The following CHN1 variants were observed in gnomAD, a reference collection of about 807,000 sequenced individuals.
The protein encoded by CHN1 is N-chimaerin.
A neutral mutation model predicts 59.5 loss-of-function variants in CHN1; 37 were observed. The observed-to-expected ratio is 0.62, with a 90% confidence interval of 0.48 to 0.82. The LOEUF is 0.82. Among genes scored for constraint, CHN1 ranks in the 40% least tolerant of loss-of-function variants. CHN1 has a pLI of 0.00. For synonymous variants in CHN1, 206 were observed against 200.4 expected, an observed-to-expected ratio of 1.03 and a Z score of -0.24; for missense variants, 469 against 571.0, an observed-to-expected ratio of 0.82 and a Z score of 1.82.
At chr2:174,949,700 C>T (rs1299968680) in intron 2 of CHN1, among the ~76,000 whole-genome samples, 1 of 152,108 alleles carries the variant, frequency 6.6e-6, no homozygotes. Context: ...TTAAAATTTG[C>T]ACATACTCAA....
intron 1 of CHN1, among the ~76,000 whole-genome samples, chr2:174,959,923 T>C (rs1574214687): frequency 6.6e-6 from 1 of 152,110 alleles, no homozygotes; most frequent in Non-Finnish European, 1.5e-5. Flanking sequence ...CTAGTGGCAG[T>C]TCAAGCAACT....
intron 5 of CHN1, among the ~76,000 whole-genome samples, chr2:174,897,206 G>A (rs1688243640): frequency 6.6e-5 from 10 of 152,132 alleles, no homozygotes; most frequent in Admixed American, 6.5e-4. Flanking sequence ...AGACTGAAAA[G>A]ATGATTATTC....
chr2:174,891,140 C>CAAAAAAAAAAAAAAA (rs58016502), intron 5 of CHN1, among the ~76,000 whole-genome samples: 1 of 24,426 alleles, frequency 4.1e-5, no homozygotes, highest in Non-Finnish European at 8.9e-5. Context: ...GACTCCATCT[C>CAAAAAAAAAAAAAAA]AAAAAAAAAA....
At chr2:174,902,845 T>G (rs1688432172) in intron 5 of CHN1, among the ~76,000 whole-genome samples, 1 of 152,224 alleles carries the variant, frequency 6.6e-6, no homozygotes, top group South Asian at 2.1e-4. Flanking sequence ...CAGTATCTAC[T>G]ATGATTCTCT....
chr2:174,846,318 G>A lies in CHN1; in HGVS notation c.627+562C>T, dbSNP rs1263994049. 3.2e-6 allele frequency: 5 copies of A among 1,548,762 alleles called. No individual in the cohort carries two copies. The Admixed American group carries it at 7.9e-5, about 24-fold the overall frequency. Reference sequence around the variant, plus strand: ...TAAAAACTACACATACGCATACATGGTGAAAGCAAATACTCAAAAAGTGAG... The same window carrying A: ...TAAAAACTACACATACGCATACATGATGAAAGCAAATACTCAAAAAGTGAG... On this transcript the variant is annotated intron_variant, in intron 7 of 12. Coordinates refer to ENST00000409900, the MANE Select transcript of CHN1 (RefSeq NM_001822.7).
chr2:174,951,951 G>A (rs1048136710), intron 2 of CHN1, among the ~76,000 whole-genome samples: 3 of 152,174 alleles, frequency 2.0e-5, no homozygotes, highest in African/African-American at 4.8e-5. Context: ...AGCTCAGAGG[G>A]ATGAAATGCA....
chr2:174,952,359 G>C (rs1345300094), intron 1 of CHN1, among the ~76,000 whole-genome samples, 157 bp from the exon 2 acceptor site: 1 of 151,614 alleles, frequency 6.6e-6, no homozygotes, highest in South Asian at 2.1e-4. Context: ...TTTTAGTCTT[G>C]GTCCTTACTT....
intron 7 of CHN1, among the ~76,000 whole-genome samples, chr2:174,841,774 T>C (rs1329558573): frequency 6.6e-6 from 1 of 152,182 alleles, no homozygotes; most frequent in Non-Finnish European, 1.5e-5. Flanking sequence ...ACACTCCTTG[T>C]TCATATCCAC....
intron 5 of CHN1, among the ~76,000 whole-genome samples, chr2:174,889,086 G>C (rs1687974470): frequency 6.6e-6 from 1 of 152,140 alleles, no homozygotes; most frequent in African/African-American, 2.4e-5. Context: ...ATACCAGAGG[G>C]AGCAAGAGAT....
At chr2:174,954,087 A>G (rs1690112358) in intron 1 of CHN1, among the ~76,000 whole-genome samples, 1 of 152,236 alleles carries the variant, frequency 6.6e-6, no homozygotes, top group Non-Finnish European at 1.5e-5. Context: ...ACTGGTATCA[A>G]AATAAGGATA....
intron 8 of CHN1, among the ~76,000 whole-genome samples, chr2:174,814,824 T>C (rs1685191942): frequency 1.3e-5 from 2 of 152,148 alleles, no homozygotes; most frequent in African/African-American, 4.8e-5. Context: ...CGAAAAGGAA[T>C]TGGATAACTG....
intron 6 of CHN1, among the ~76,000 whole-genome samples, chr2:174,853,812 G>A (rs1360175456): frequency 3.3e-5 from 5 of 152,104 alleles, no homozygotes; most frequent in South Asian, 2.1e-4. Context: ...AGAGCTGGAG[G>A]CCATAATCCT....
chr2:174,847,170 T>C (rs748355372), intron 6 of CHN1: 28 of 1,523,858 alleles, frequency 1.8e-5, no homozygotes, highest in African/African-American at 2.8e-5. Flanking sequence ...TAGTGGTCTA[T>C]GTCTGTCGAT....
At chr2:175,003,878 C>T (rs1691973515) in intron 1 of CHN1, among the ~76,000 whole-genome samples, 1 of 152,160 alleles carries the variant, frequency 6.6e-6, no homozygotes, top group Admixed American at 6.5e-5. Flanking sequence ...AAAAGTAACA[C>T]TTTGATTCTA....
chr2:174,983,721 G>A (rs914493780), intron 1 of CHN1, among the ~76,000 whole-genome samples: 5 of 152,030 alleles, frequency 3.3e-5, no homozygotes, highest in African/African-American at 4.8e-5. Context: ...CCAGCTGCTC[G>A]GGAGGCTGAA....
chr2:174,846,899 T>C lies in CHN1; in HGVS notation c.608A>G (p.Glu203Gly), dbSNP rs1292210611. The change falls in exon 7 of 13, where the codon GAA (glutamate) becomes GGA (glycine). Residue 203 changes from glutamate to glycine, a missense_variant. Around this residue, in one of 5 missense-constraint regions of CHN1, gnomAD observed 81 missense variants for 71.7 expected, o/e 1.13. Transcript: ENST00000409900. Reference protein sequence around the residue: ...LKENEQIPKYEKIHNFKVHTF... With the variant: ...LKENEQIPKYGKIHNFKVHTF... ...TCTTACCTTGAAATTGTGAATCTTT[T>C]CATATTTTGGAATTTGCTCGTTTTC... 10 of 1,551,046 alleles carry C rather than the reference T, an allele frequency of 6.4e-6. No individual in the cohort carries two copies. The highest frequency in any genetic ancestry group is 1.7e-4 in the Middle Eastern group (1 of 6,008).
intron 7 of CHN1, chr2:174,837,477 C>G (rs1240770237): frequency 6.6e-6 from 1 of 152,212 alleles, no homozygotes; most frequent in African/African-American, 2.4e-5. Context: ...CTACCATGAC[C>G]TAAAAATAGA....
At chr2:174,878,500 C>T (rs905097335) in intron 5 of CHN1, among the ~76,000 whole-genome samples, 3 of 152,168 alleles carry the variant, frequency 2.0e-5, no homozygotes, top group African/African-American at 7.2e-5. Flanking sequence ...CATTTCTATA[C>T]TAACATTTTT....
intron 5 of CHN1, among the ~76,000 whole-genome samples, chr2:174,914,133 T>C (rs1477029594): frequency 1.3e-5 from 2 of 152,214 alleles, no homozygotes; most frequent in Non-Finnish European, 2.9e-5. Context: ...AGGTCTTCTG[T>C]TTCCTCATCT....
Sources: allele counts gnomAD v4.1 joint callset (sites outside exome capture counted in the v4.1 genomes callset), GRCh38; gene constraint gnomAD v4.1.1; regional missense constraint gnomAD v4.1.1; transcripts MANE v1.5; gene names NCBI Gene and HGNC (gene_info 2026-07-23, HGNC 2026-07-21).